The following ZNF404 variants were observed in gnomAD, a reference collection of about 807,000 sequenced individuals.
The protein encoded by ZNF404 is zinc finger protein 404.
A neutral mutation model predicts 7.3 loss-of-function variants in ZNF404; 7 were observed. The ratio of observed to expected loss-of-function variants is 0.95; its 90% confidence interval spans 0.54 to 1.79. The LOEUF (loss-of-function observed/expected upper bound fraction) is 1.79. Ranked by LOEUF, ZNF404 falls within the 40% of genes most tolerant of loss-of-function variation. The pLI, the probability that ZNF404 is intolerant of heterozygous loss-of-function variation, is 0.00. For synonymous variants in ZNF404, 191 were observed against 209.9 expected (o/e 0.91, Z 0.78); for missense variants, 560 against 661.5 (o/e 0.85, Z 1.68).
At chr19:43,878,981 A>G (rs1424246329) in intron 2 of ZNF404, among the ~76,000 whole-genome samples, 1 of 152,238 alleles carries the variant, frequency 6.6e-6, no homozygotes. Flanking sequence ...CCAGCATACA[A>G]TCACAACTAC....
At position 43,872,869 on chromosome 19, in the gene ZNF404, TA is replaced by T; in HGVS notation, c.1344del (p.Phe448LeufsTer7). The part of the protein sequence containing the change: ...PYECKECGKT[F>X]RLNSQLIYHQ... The stretch of plus-strand genomic sequence containing the variant: ...TGATAAATTAGTTGAGAATTAAGTC[TA>T]AAGGTTTTTCCACATTCCTTACATT... On this transcript the variant is annotated frameshift_variant, in exon 3 of 3. Transcript: ENST00000587539. LOFTEE classifies it low-confidence loss of function (END_TRUNC). This position sits in a 1 kb window ranked among gnomAD's most constrained non-coding sequence, Gnocchi z 4.4. 1 of 1,607,644 alleles carries T rather than the reference TA, an allele frequency of 6.2e-7. No individual in the cohort carries two copies. Among genetic ancestry groups the T allele is most frequent in the Non-Finnish European group, 8.5e-7 (1 of 1,176,408 alleles).
chr19:43,875,304 A>T (rs1013468182), intron 2 of ZNF404, among the ~76,000 whole-genome samples: 9 of 151,902 alleles, frequency 5.9e-5, no homozygotes, highest in South Asian at 2.1e-4. Context: ...TTTTTTTTTT[A>T]AATCTACAAA....
Position 43,872,638 on chromosome 19 carries a change from T to G in ZNF404, c.1576A>C (p.Lys526Gln), listed in dbSNP as rs1322076845. The change falls in exon 3 of 3, where the codon AAA (lysine) becomes CAA (glutamine). Residue 526 changes from lysine (K) to glutamine (Q), a missense_variant. By Grantham distance (53) the Lys-to-Gln change is moderately conservative. Transcript: ENST00000587539. The surrounding 1 kb of genome is among the most constrained non-coding windows in gnomAD (Gnocchi z 4.4). Reference sequence around the variant, plus strand: ...TGACTAAAGGCCTTACCACATTCTTTGCATTTCTGTGGTTTCACACCAGTA... The same window carrying G: ...TGACTAAAGGCCTTACCACATTCTTGGCATTTCTGTGGTTTCACACCAGTA... ...IHTGVKPQKC[K>Q]ECGKAFSHCY... 6.2e-7 allele frequency: 1 copy of G among 1,612,734 alleles called. No individual in the cohort carries two copies.
rs551352059 is a variant in ZNF404, at chr19:43,873,673, G to T, written c.541C>A (p.His181Asn). ...CATTCATAGGGTTTCAAATCAGTGT[G>T]GATTTTTCGATGTCTAATAAAATGC... ...FQHFIRHRKI[H>N]TDLKPYECNG... is the part of the protein sequence containing the mutation. The change falls in exon 3 of 3, where the codon CAC becomes AAC. Residue 181 changes from histidine to asparagine, a missense_variant. Physicochemically the swap from His to Asn is moderately conservative, Grantham distance 68 (BLOSUM62 1). Coordinates refer to ENST00000587539, the MANE Select transcript of ZNF404 (RefSeq NM_001033719.3). The T allele has an allele frequency of 6.2e-7, 1 of 1,613,182 alleles. No individual in the cohort carries two copies. The highest frequency in any genetic ancestry group is 1.1e-5 in the South Asian group (1 of 91,040).
chr19:43,882,605 C>A (rs974224941), intron 1 of ZNF404, among the ~76,000 whole-genome samples: 1 of 152,018 alleles, frequency 6.6e-6, no homozygotes, highest in African/African-American at 2.4e-5. Flanking sequence ...AAATTAAAAA[C>A]TTCTGCTCTT....
At chr19:43,882,045 C>G (rs1971899450) in intron 1 of ZNF404, among the ~76,000 whole-genome samples, 1 of 151,288 alleles carries the variant, frequency 6.6e-6, no homozygotes, top group Admixed American at 6.6e-5. Context: ...CACAAAGGAT[C>G]TAGAATAACC....
chr19:43,880,793 T>C (rs1971888956), intron 1 of ZNF404, among the ~76,000 whole-genome samples: 1 of 152,134 alleles, frequency 6.6e-6, no homozygotes, highest in African/African-American at 2.4e-5. Flanking sequence ...TGGATTCCAC[T>C]GAGAACAAGA....
Position 43,873,160 on chromosome 19 carries a change from C to T in ZNF404, c.1054G>A (p.Glu352Lys), listed in dbSNP as rs1362949739. ...LLKHKRIHSS[E>K]KLYDCKDCGK... ...CAATCCTTACAATCATAGAGTTTCT[C>T]ACTACTATGAATTCTCTTATGTTTA... is the stretch of plus-strand genomic sequence containing the variant. Residue 352 changes from glutamate (E) to lysine (K), a missense_variant, in exon 3 of 3, where the codon GAG (glutamate) becomes AAG (lysine). Transcript: ENST00000587539. The T allele has an allele frequency of 1.2e-6, 2 of 1,613,440 alleles. No individual in the cohort carries two copies. The highest frequency in any genetic ancestry group is 1.3e-5 in the African/African-American group (1 of 74,912).
rs149785583 is a variant in ZNF404, at chr19:43,881,113, C to T, written c.10-977G>A. ...CCCAATGAATGACATCTATAAAAAA[C>T]CCATAGCTAACATCACATTTGATAG... On this transcript the variant is annotated intron_variant, in intron 1 of 2. Coordinates refer to ENST00000587539, the MANE Select transcript of ZNF404 (RefSeq NM_001033719.3). 7.2e-5 allele frequency among the ~76,000 whole-genome samples: 11 copies of T among 152,220 alleles called. No homozygotes were observed. The East Asian group carries it at 1.9e-3, about 27-fold the overall frequency.
At chr19:43,883,817 C>T in intron 1 of ZNF404, 139 bp downstream of exon 1, 1 of 825,868 alleles carries the variant, frequency 1.2e-6, no homozygotes, top group Non-Finnish European at 1.9e-6. Context: ...CATCATCCAT[C>T]ACTGGAATGG....
chr19:43,878,999 T>C (rs1263408358), intron 2 of ZNF404, among the ~76,000 whole-genome samples: 2 of 152,188 alleles, frequency 1.3e-5, no homozygotes, highest in East Asian at 1.9e-4. Flanking sequence ...TACTAGTAAC[T>C]TGAAGATGCA....
rs143296825 is a variant in ZNF404 at position 43,876,267 on chromosome 19, T to C, written c.137-2190A>G. Reference sequence around the variant, plus strand: ...AGGCAGAGGTTGCAGTGAGCTGAGATTGCGCCACTGTACTCTAGCCTGGGC... The same window carrying C: ...AGGCAGAGGTTGCAGTGAGCTGAGACTGCGCCACTGTACTCTAGCCTGGGC... On this transcript the variant is annotated intron_variant, in intron 2 of 2. Coordinates refer to ENST00000587539, the MANE Select transcript of ZNF404 (RefSeq NM_001033719.3). Among the ~76,000 whole-genome samples, 54 of 152,214 alleles carry C rather than the reference T, an allele frequency of 3.5e-4. No homozygotes were observed. In the East Asian group the frequency reaches 3.7e-3, roughly 10 times the overall value.
rs367657995 is a variant in ZNF404, at chr19:43,872,805, T to G, written c.1409A>C (p.Lys470Thr). The change falls in exon 3 of 3, where the codon AAA (lysine) becomes ACA (threonine). Residue 470 changes from lysine to threonine, a missense_variant. Coordinates refer to ENST00000587539, the MANE Select transcript of ZNF404 (RefSeq NM_001033719.3). The surrounding 1 kb of genome is among the most constrained non-coding windows in gnomAD (Gnocchi z 4.4). The stretch of plus-strand genomic sequence containing the variant: ...AGAACGAAAGGCCTTCTTACATTCT[T>G]TACATACATAGGGTTTCAAACCAGT... ...IHTGLKPYVC[K>T]ECKKAFRSIS... 38 of 1,610,684 alleles carry G rather than the reference T, an allele frequency of 2.4e-5. No individual in the cohort carries two copies. In the African/African-American group the frequency reaches 4.4e-4, roughly 19 times the overall value.
intron 1 of ZNF404, 41 bp from the exon 2 acceptor site, chr19:43,880,177 A>G: frequency 3.2e-6 from 5 of 1,552,632 alleles, no homozygotes; most frequent in Non-Finnish European, 4.4e-6. Flanking sequence ...AAAGTAAAGA[A>G]GACTTTTCAA....
chr19:43,872,756 C>T lies in ZNF404; in HGVS notation c.1458G>A (p.Lys486=), dbSNP rs1056069318. Residue 486 remains lysine (K), a synonymous_variant, in exon 3 of 3, where the codon AAG becomes AAA. Coordinates refer to ENST00000587539, the MANE Select transcript of ZNF404 (RefSeq NM_001033719.3). This position sits in a 1 kb window ranked among gnomAD's most constrained non-coding sequence, Gnocchi z 4.4. ...AGGGTTTTTCACCAGTATGAATTCT[C>T]TTATGTTGAGAAAGACCTGAGATAG... ...FRSISGLSQH[K]RIHTGEKPYE... The T allele has an allele frequency of 6.2e-7, 1 of 1,612,638 alleles. No individual in the cohort carries two copies. Among genetic ancestry groups the T allele is most frequent in the Non-Finnish European group, 8.5e-7 (1 of 1,179,260 alleles).
rs376513790 is a variant in ZNF404 at position 43,880,130 on chromosome 19, A to T, written c.16T>A (p.Leu6Met). 1 of 1,610,604 alleles carries T rather than the reference A, an allele frequency of 6.2e-7. No homozygotes were observed. Among genetic ancestry groups the T allele is most frequent in the South Asian group, 1.1e-5 (1 of 90,448 alleles). MARVPLTFSDVAIDFS... is the reference protein window; with the variant it reads MARVPMTFSDVAIDFS... Reference sequence around the variant, plus strand: ...TCTATGGCAACATCGCTGAATGTCAATGGCACCTGAAATGACAAACCTGTG... The same window carrying T: ...TCTATGGCAACATCGCTGAATGTCATTGGCACCTGAAATGACAAACCTGTG... The change falls in exon 2 of 3, where the codon TTG becomes ATG. Residue 6 changes from leucine to methionine, a missense_variant. Transcript: ENST00000587539.
chr19:43,879,834 A>G (rs1398554411), intron 2 of ZNF404, among the ~76,000 whole-genome samples, 176 bp downstream of exon 2: 3 of 152,194 alleles, frequency 2.0e-5, no homozygotes, highest in African/African-American at 7.2e-5. Context: ...CAGGTGCTGA[A>G]TGGGGGTGCC....
At chr19:43,878,913 A>T (rs1227003472) in intron 2 of ZNF404, among the ~76,000 whole-genome samples, 27 of 152,158 alleles carry the variant, frequency 1.8e-4, no homozygotes, top group Non-Finnish European at 1.5e-5. Context: ...AAACATAAAT[A>T]CCCTCTGGTG....
Position 43,877,451 on chromosome 19 carries a change from C to T in ZNF404, c.136+2559G>A, listed in dbSNP as rs150472599. Among the ~76,000 whole-genome samples, 10 of 151,966 alleles carry T rather than the reference C, an allele frequency of 6.6e-5. No individual in the cohort carries two copies. The South Asian group carries it at 1.5e-3, about 22-fold the overall frequency. On this transcript the variant is annotated intron_variant, in intron 2 of 2. Coordinates refer to ENST00000587539, the MANE Select transcript of ZNF404 (RefSeq NM_001033719.3). ...TAGTTCAGGGAGGGAAGATACAAGG[C>T]GAATCTGGAACCTCTTGTACTAAAA...
Sources: allele counts gnomAD v4.1 joint callset (sites outside exome capture counted in the v4.1 genomes callset), GRCh38; gene constraint gnomAD v4.1.1; non-coding constraint Gnocchi (gnomAD v3.1); transcripts MANE v1.5; gene names NCBI Gene and HGNC (gene_info 2026-07-23, HGNC 2026-07-21).